Variants in SUMO3 observed in about 807,000 individuals in gnomAD.
The protein encoded by SUMO3 is small ubiquitin-related modifier 3.
In SUMO3, 2 loss-of-function variants were observed where a neutral mutation model predicts 11.1. The observed-to-expected ratio is 0.18, with a 90% CI of 0.07 to 0.57. The LOEUF is 0.57. SUMO3 is among the 20% of genes least tolerant of loss of function. The pLI is 0.92. For missense variants in SUMO3, 70 were observed against 132.8 expected, an observed-to-expected ratio of 0.53 and a Z score of 2.32; for synonymous variants, 56 against 53.5, an observed-to-expected ratio of 1.05 and a Z score of -0.20.
intron 2 of SUMO3, among the ~76,000 whole-genome samples, chr21:44,812,666 G>A (rs936486487): frequency 1.3e-5 from 2 of 152,206 alleles, no homozygotes; most frequent in African/African-American, 4.8e-5. Flanking sequence ...ATTTGAACAG[G>A]AGGCCCTGGA....
chr21:44,812,700 C>A lies in SUMO3; in HGVS notation c.150+1276G>T, dbSNP rs142017942. The stretch of plus-strand genomic sequence containing the variant: ...GACCACGGCTGAGCAGCCAGCCTCA[C>A]AAGCAGCAGTGCAGGTGGGGCAGGA... On this transcript the variant is annotated intron_variant, in intron 2 of 3. Coordinates refer to ENST00000332859, the MANE Select transcript of SUMO3 (RefSeq NM_006936.3). Among the ~76,000 whole-genome samples the A allele has an allele frequency of 2.9e-3, 438 of 152,362 alleles. 6 individuals are homozygous for A. The highest frequency in any genetic ancestry group is 1.0e-2 in the African/African-American group (415 of 41,580).
chr21:44,807,186 A>T lies in SUMO3; in HGVS notation c.223-146T>A, dbSNP rs2083182723. On this transcript the variant is annotated intron_variant, in intron 3 of 3. Transcript: ENST00000332859. This position sits in a 1 kb window ranked among gnomAD's most constrained non-coding sequence, Gnocchi z 4.3. The stretch of plus-strand genomic sequence containing the variant: ...CACCTTGGCTCTTGTCCGTCCCCTC[A>T]CTGCAGCTCAGCACGCATGGAAGAG... The T allele has an allele frequency of 1.0e-6, 1 of 958,042 alleles. No homozygotes were observed. Among genetic ancestry groups the T allele is most frequent in the Non-Finnish European group, 1.5e-6 (1 of 649,670 alleles). The allele number at this position is 958,042 out of a possible 1,614,324, so 59.3% of individuals were successfully genotyped here.
chr21:44,817,657 C>T (rs936626664), intron 1 of SUMO3, among the ~76,000 whole-genome samples: 3 of 150,626 alleles, frequency 2.0e-5, no homozygotes, highest in African/African-American at 4.9e-5. Context: ...GGCCCGACAC[C>T]GGGCGCTCAA....
At position 44,810,956 on chromosome 21, in the gene SUMO3, C is replaced by CCA. The variant is rs1230697274; in HGVS notation, c.151-1840_151-1839dup. Among the ~76,000 whole-genome samples, 1 of 148,634 alleles carries CCA rather than the reference C, an allele frequency of 6.7e-6. No homozygotes were observed. Among genetic ancestry groups the CCA allele is most frequent in the Non-Finnish European group, 1.5e-5 (1 of 67,102 alleles). On this transcript the variant is annotated intron_variant, in intron 2 of 3. Coordinates refer to ENST00000332859, the MANE Select transcript of SUMO3 (RefSeq NM_006936.3). This position sits in a 1 kb window ranked among gnomAD's most constrained non-coding sequence, Gnocchi z 4.1. ...CCCACACCCACACACATGCACACAC[C>CCA]CACACATGCACACCCATGCACACAC... is the stretch of plus-strand genomic sequence containing the variant.
intron 2 of SUMO3, among the ~76,000 whole-genome samples, chr21:44,812,805 G>A (rs376946342): frequency 2.0e-5 from 3 of 152,230 alleles, no homozygotes; most frequent in African/African-American, 7.2e-5. Flanking sequence ...ATCCCGCAGC[G>A]CAGAGGAGAA....
At chr21:44,808,324 A>G (rs1034669122) in intron 3 of SUMO3, 13 of 373,384 alleles carry the variant, frequency 3.5e-5, no homozygotes, top group South Asian at 1.7e-4. Flanking sequence ...CATCCTGGCT[A>G]ACATGGTGAA....
chr21:44,808,610 C>G (rs762927886), intron 3 of SUMO3: 151 of 1,367,636 alleles, frequency 1.1e-4, no homozygotes, highest in Non-Finnish European at 1.3e-4. Flanking sequence ...TCTGCATGTG[C>G]CTGAGAGAAA....
At chr21:44,808,524 A>T (rs1381998224) in intron 3 of SUMO3, 50 of 1,427,068 alleles carry the variant, frequency 3.5e-5, no homozygotes, top group Non-Finnish European at 4.6e-5. Context: ...CAAAAAAAAA[A>T]GTCTGTTTCC....
At chr21:44,808,540 C>A in intron 3 of SUMO3, 2 of 1,408,202 alleles carry the variant, frequency 1.4e-6, no homozygotes, top group South Asian at 1.6e-5. Flanking sequence ...TTTCCAGGTC[C>A]AAAGCTCTTT....
At chr21:44,816,241 A>G (rs1339481575) in intron 1 of SUMO3, among the ~76,000 whole-genome samples, 7 of 152,226 alleles carry the variant, frequency 4.6e-5, no homozygotes, top group Non-Finnish European at 1.0e-4. Flanking sequence ...AGCCACCTAC[A>G]AAAACATAAA....
rs1246575032 is a variant in SUMO3, at chr21:44,807,407, G to A, written c.223-367C>T. On this transcript the variant is annotated intron_variant, in intron 3 of 3. Coordinates refer to ENST00000332859, the MANE Select transcript of SUMO3 (RefSeq NM_006936.3). The surrounding 1 kb of genome is among the most constrained non-coding windows in gnomAD (Gnocchi z 4.3). The stretch of plus-strand genomic sequence containing the variant: ...AAGAACATCTGATTAGCAGCACTGA[G>A]TCCTAGGACCCACAGGAGCCTTGCG... 2.0e-5 allele frequency among the ~76,000 whole-genome samples: 3 copies of A among 152,160 alleles called. No homozygotes were observed. The highest frequency in any genetic ancestry group is 6.5e-5 in the Admixed American group (1 of 15,280).
At chr21:44,808,327 A>T (rs373981386) in intron 3 of SUMO3, 2 of 380,940 alleles carry the variant, frequency 5.3e-6, no homozygotes, top group East Asian at 8.7e-5. Context: ...CCTGGCTAAC[A>T]TGGTGAAACC....
chr21:44,809,643 G>A (rs527853742), intron 2 of SUMO3, among the ~76,000 whole-genome samples: 4 of 152,312 alleles, frequency 2.6e-5, no homozygotes, highest in African/African-American at 9.6e-5. Context: ...CCCAGGTGAG[G>A]AAGCGTAACA....
chr21:44,811,340 G>A lies in SUMO3; in HGVS notation c.151-2222C>T, dbSNP rs1195693829. 3.3e-5 allele frequency among the ~76,000 whole-genome samples: 5 copies of A among 152,180 alleles called. No individual in the cohort carries two copies. Among genetic ancestry groups the A allele is most frequent in the Admixed American group, 3.3e-4 (5 of 15,276 alleles). ...TGTAATCCCAGCACTTTGGGAGACC[G>A]AGGCAGAAGGATCACTTAAGCCCAG... On this transcript the variant is annotated intron_variant, in intron 2 of 3. Coordinates refer to ENST00000332859, the MANE Select transcript of SUMO3 (RefSeq NM_006936.3). This position sits in a 1 kb window ranked among gnomAD's most constrained non-coding sequence, Gnocchi z 5.0.
Position 44,810,616 on chromosome 21 carries a change from T to A in SUMO3, c.151-1498A>T, listed in dbSNP as rs750010874. On this transcript the variant is annotated intron_variant, in intron 2 of 3. Transcript: ENST00000332859. The surrounding 1 kb of genome is among the most constrained non-coding windows in gnomAD (Gnocchi z 4.1). Reference sequence around the variant, plus strand: ...GTCCCCTCTCCCCTCCAGATGCGCCTCCAGGAGGCTGGCCGGAGCCTGGAG... The same window carrying A: ...GTCCCCTCTCCCCTCCAGATGCGCCACCAGGAGGCTGGCCGGAGCCTGGAG... Among the ~76,000 whole-genome samples the A allele has an allele frequency of 3.3e-4, 51 of 152,268 alleles. No individual in the cohort carries two copies. Among genetic ancestry groups the A allele is most frequent in the South Asian group, 8.3e-4 (4 of 4,830 alleles).
rs2083210033 is a variant in SUMO3 at position 44,811,123 on chromosome 21, T to TATACACACAGGAACACACCCACAC, written c.151-2006_151-2005insGTGTGGGTGTGTTCCTGTGTGTAT. On this transcript the variant is annotated intron_variant, in intron 2 of 3. Transcript: ENST00000332859. This position sits in a 1 kb window ranked among gnomAD's most constrained non-coding sequence, Gnocchi z 5.0. The stretch of plus-strand genomic sequence containing the variant: ...ATACACACACATGCACACACCCACA[T>TATACACACAGGAACACACCCACAC]ATACACACAGGCACACACCCACACA... Among the ~76,000 whole-genome samples the TATACACACAGGAACACACCCACAC allele has an allele frequency of 9.8e-6, 1 of 102,220 alleles. No homozygotes were observed. Among genetic ancestry groups the TATACACACAGGAACACACCCACAC allele is most frequent in the African/African-American group, 4.0e-5 (1 of 24,864 alleles). The allele number at this position is 102,220 out of a possible 152,430, so 67.1% of individuals were successfully genotyped here.
intron 1 of SUMO3, among the ~76,000 whole-genome samples, chr21:44,817,299 T>C (rs1309728364): frequency 8.2e-6 from 1 of 122,198 alleles, no homozygotes; most frequent in Non-Finnish European, 1.7e-5. Context: ...GAGGGCACGA[T>C]TGGGGAGACA....
rs1008450880 is a variant in SUMO3, at chr21:44,811,244, G to A, written c.151-2126C>T. Among the ~76,000 whole-genome samples the A allele has an allele frequency of 6.6e-6, 1 of 152,048 alleles. No individual in the cohort carries two copies. The highest frequency in any genetic ancestry group is 2.4e-5 in the African/African-American group (1 of 41,384). ...CTACACTCACGATTCAAATTCTATG[G>A]GAAGTAAAAAATACTACTACCTTCA... is the stretch of plus-strand genomic sequence containing the variant. On this transcript the variant is annotated intron_variant, in intron 2 of 3. Transcript: ENST00000332859. The surrounding 1 kb of genome is among the most constrained non-coding windows in gnomAD (Gnocchi z 5.0).
At chr21:44,813,948 G>T (rs13050872) in intron 2 of SUMO3, 28 bp downstream of exon 2, 1 of 1,606,178 alleles carries the variant, frequency 6.2e-7, no homozygotes, top group Non-Finnish European at 8.5e-7. Context: ...CACACGGGGA[G>T]GCTCTGCGGG....
Sources: allele counts gnomAD v4.1 joint callset (sites outside exome capture counted in the v4.1 genomes callset), GRCh38; gene constraint gnomAD v4.1.1; non-coding constraint Gnocchi (gnomAD v3.1); transcripts MANE v1.5; gene names NCBI Gene and HGNC (gene_info 2026-07-23, HGNC 2026-07-21).